The following ZNF420 variants were observed in gnomAD, a reference collection of about 807,000 sequenced individuals.
ZNF420 encodes the protein zinc finger protein 420, also known as ATM and p53-associated KZNF protein.
A neutral mutation model predicts 44.7 loss-of-function variants in ZNF420; 31 were observed. That is an observed-to-expected ratio of 0.69 (90% CI 0.52 to 0.94). The LOEUF is 0.94. Ranked by LOEUF, ZNF420 falls within the 40% of genes least tolerant of loss-of-function variation. The pLI is 0.00. For synonymous variants in ZNF420, 245 were observed against 267.4 expected, an observed-to-expected ratio of 0.92 and a Z score of 0.82; for missense variants, 681 against 827.9, an observed-to-expected ratio of 0.82 and a Z score of 2.18.
At position 37,130,119 on chromosome 19, in the gene ZNF420, C is replaced by A. The variant is rs749594274; in HGVS notation, c.*1061C>A. 5.8e-6 allele frequency: 9 copies of A among 1,549,622 alleles called. No individual in the cohort carries two copies. The highest frequency in any genetic ancestry group is 7.8e-6 in the Non-Finnish European group (9 of 1,146,738). ...AATCCATTTTTCCTGTCTTTTTTTC[C>A]GTGCCTACAATGTGGACATCTAAGC... On this transcript the variant is annotated 3_prime_UTR_variant, in exon 5 of 5. Coordinates refer to ENST00000337995, the MANE Select transcript of ZNF420 (RefSeq NM_144689.5).
At chr19:37,008,567 G>C (rs2074545922) in intron 1 of ZNF420, among the ~76,000 whole-genome samples, 1 of 152,182 alleles carries the variant, frequency 6.6e-6, no homozygotes, top group Non-Finnish European at 1.5e-5. Context: ...GCAGACCGAC[G>C]TCAAAGATGG....
At chr19:37,097,689 A>T (rs1343711603) in intron 4 of ZNF420, among the ~76,000 whole-genome samples, 1 of 151,976 alleles carries the variant, frequency 6.6e-6, no homozygotes, top group Non-Finnish European at 1.5e-5. Context: ...TTATTCTTTA[A>T]GTTCTTTATG....
intron 1 of ZNF420, among the ~76,000 whole-genome samples, chr19:37,056,128 G>C: frequency 6.6e-6 from 1 of 151,928 alleles, no homozygotes; most frequent in South Asian, 2.1e-4. Context: ...GTGTGGCAGG[G>C]AGCCGAAGGG....
chr19:37,052,729 C>T (rs1019465557), intron 1 of ZNF420, among the ~76,000 whole-genome samples: 1 of 152,194 alleles, frequency 6.6e-6, no homozygotes, highest in African/African-American at 2.4e-5. Flanking sequence ...GCCAAGAGAT[C>T]AGCTGTTAGT....
chr19:37,122,949 A>C (rs1321310561), intron 4 of ZNF420, among the ~76,000 whole-genome samples: 1 of 152,248 alleles, frequency 6.6e-6, no homozygotes, highest in Non-Finnish European at 1.5e-5. Context: ...GATATCTAAT[A>C]GTTCAAAACC....
At chr19:37,010,410 C>T (rs1035401154) in intron 1 of ZNF420, among the ~76,000 whole-genome samples, 17 of 152,134 alleles carry the variant, frequency 1.1e-4, no homozygotes, top group Non-Finnish European at 2.2e-4. Flanking sequence ...CCGTGGGCTG[C>T]TCTCTCACTT....
chr19:37,100,739 T>C (rs1293473227), intron 4 of ZNF420, among the ~76,000 whole-genome samples: 1 of 152,108 alleles, frequency 6.6e-6, no homozygotes, highest in African/African-American at 2.4e-5. Flanking sequence ...CTTTGGCTGT[T>C]TGGGGACTTT....
At chr19:37,093,999 A>G (rs1969301217) in intron 4 of ZNF420, among the ~76,000 whole-genome samples, 1 of 152,242 alleles carries the variant, frequency 6.6e-6, no homozygotes. Context: ...ATGGTTGCCA[A>G]ACTTGTGTGT....
At chr19:37,106,557 T>C (rs1294001711) in intron 4 of ZNF420, among the ~76,000 whole-genome samples, 1 of 152,128 alleles carries the variant, frequency 6.6e-6, no homozygotes, top group Non-Finnish European at 1.5e-5. Context: ...GGAAGCACGA[T>C]TTAGGCCGAA....
At chr19:37,077,864 A>C (rs1968198979), upstream of ZNF420, among the ~76,000 whole-genome samples, 1 of 152,304 alleles carries the variant, frequency 6.6e-6, no homozygotes, top group African/African-American at 2.4e-5. Flanking sequence ...ACACAGTTAT[A>C]AAATCCCATT....
intron 1 of ZNF420, among the ~76,000 whole-genome samples, chr19:37,016,793 G>A (rs2074611998): frequency 6.6e-6 from 1 of 152,202 alleles, no homozygotes; most frequent in South Asian, 2.1e-4. Context: ...GATGATTTTG[G>A]TAGTAGGGCC....
chr19:37,113,266 GTTTA>G (rs1217756962), intron 4 of ZNF420, among the ~76,000 whole-genome samples: 2 of 152,170 alleles, frequency 1.3e-5, no homozygotes, highest in Non-Finnish European at 2.9e-5. Flanking sequence ...GTTATATTTT[GTTTA>G]TTTGAGGCTG....
intron 1 of ZNF420, among the ~76,000 whole-genome samples, chr19:37,054,081 G>A (rs1016337086): frequency 7.9e-5 from 12 of 152,110 alleles, no homozygotes; most frequent in South Asian, 4.2e-4. Flanking sequence ...CCCCAGCCTC[G>A]CCGCCCCCTT....
chr19:37,063,874 G>A (rs761227898), intron 1 of ZNF420, among the ~76,000 whole-genome samples: 32 of 152,132 alleles, frequency 2.1e-4, no homozygotes, highest in Non-Finnish European at 1.6e-4. Context: ...AGCATGAAAG[G>A]AACAAATTTA....
At chr19:37,086,294 G>A (rs982508138) in intron 2 of ZNF420, among the ~76,000 whole-genome samples, 1 of 152,094 alleles carries the variant, frequency 6.6e-6, no homozygotes, top group Non-Finnish European at 1.5e-5. Flanking sequence ...GCTATTTCAT[G>A]GTTGGGGTTG....
chr19:37,127,388 C>T lies in ZNF420; in HGVS notation c.397C>T (p.His133Tyr), dbSNP rs1971410858. 3 of 1,613,858 alleles carry T rather than the reference C, an allele frequency of 1.9e-6. No individual in the cohort carries two copies. The highest frequency in any genetic ancestry group is 2.5e-6 in the Non-Finnish European group (3 of 1,179,782). Reference protein sequence around the residue: ...HTYLSQHSRCHSTEKPYKCKE... With the variant: ...HTYLSQHSRCYSTEKPYKCKE... ...TTACTTATCTCAACATTCAAGATGT[C>T]ATTCTACTGAGAAACCCTATAAATG... Residue 133 changes from histidine (H) to tyrosine (Y), a missense_variant, in exon 5 of 5, where the codon CAT becomes TAT. Physicochemically the swap from His to Tyr is moderately conservative, Grantham distance 83. Transcript: ENST00000337995.
chr19:37,035,531 C>T (rs554414312), intron 1 of ZNF420, among the ~76,000 whole-genome samples: 1 of 152,174 alleles, frequency 6.6e-6, no homozygotes, highest in South Asian at 2.1e-4. Context: ...AGCTTCAAAA[C>T]CCATTTGTAA....
At chr19:37,060,822 C>A (rs1216245416) in intron 1 of ZNF420, among the ~76,000 whole-genome samples, 1 of 152,042 alleles carries the variant, frequency 6.6e-6, no homozygotes, top group African/African-American at 2.4e-5. Flanking sequence ...GACATCCTCT[C>A]CTCCGCTCCG....
At chr19:37,119,063 A>G (rs1421575589) in intron 4 of ZNF420, among the ~76,000 whole-genome samples, 1 of 152,222 alleles carries the variant, frequency 6.6e-6, no homozygotes, top group Non-Finnish European at 1.5e-5. Context: ...CAGATCAGCA[A>G]GACAGAAAGT....
Sources: gnomAD v4.1 joint callset for allele counts (sites outside exome capture counted in the v4.1 genomes callset) on GRCh38, gnomAD v4.1.1 for gene constraint, MANE v1.5 for transcripts, NCBI Gene and HGNC (gene_info 2026-07-23, HGNC 2026-07-21) for gene names.